The following MGA variants were observed in gnomAD, a reference collection of about 807,000 sequenced individuals.
MGA encodes MAX gene-associated protein.
A neutral mutation model predicts 261.1 loss-of-function variants in MGA; 40 were observed. That is an observed-to-expected ratio of 0.15 (90% CI 0.12 to 0.20). The LOEUF is 0.20. Ranked by LOEUF, MGA falls within the 10% of genes least tolerant of loss-of-function variation. The pLI is 1.00. For synonymous variants in MGA, 1,302 were observed against 1,290.6 expected (o/e 1.01, Z -0.19); for missense variants, 3,397 against 3,630.5 (o/e 0.94, Z 1.65).
chr15:41,735,899 G>A (rs2061752605), intron 12 of MGA, among the ~76,000 whole-genome samples: 1 of 152,176 alleles, frequency 6.6e-6, no homozygotes, highest in African/African-American at 2.4e-5. Context: ...GTCATGGTTT[G>A]TTTGCAAGCT....
chr15:41,698,786 T>G, intron 3 of MGA, 77 bp from the exon 4 acceptor site: 1 of 1,168,754 alleles, frequency 8.6e-7, no homozygotes, highest in Non-Finnish European at 1.2e-6. Context: ...GGTCTTTAAG[T>G]TTTTTTTAAT....
In MGA at chr15:41,696,711, C is replaced by T. The variant is rs368891416; in HGVS notation, c.1701C>T (p.Asp567=). ...GCATTAGCACAGAAAGAATACTCGA[C>T]GATTCAAAGGATTCAGTTGGAGACT... Residue 567 remains aspartate, a synonymous_variant, in exon 3 of 24, where the codon GAC becomes GAT. Transcript: ENST00000219905. 2.9e-4 allele frequency: 466 copies of T among 1,612,564 alleles called. 5 individuals carry two copies. In the South Asian group the frequency reaches 4.5e-3, roughly 16 times the overall value.
intron 5 of MGA, among the ~76,000 whole-genome samples, chr15:41,702,464 C>T (rs1335379310): frequency 6.6e-6 from 1 of 152,102 alleles, no homozygotes; most frequent in Non-Finnish European, 1.5e-5. Flanking sequence ...AAATTTGATT[C>T]TTGAAATAAT....
rs1555436406 is a variant in MGA, at chr15:41,752,574, T to TA, written c.7009-1861dup. On this transcript the variant is annotated intron_variant, in intron 17 of 23. Transcript: ENST00000219905. ...GTTTTTTTTTTTTTTTTTTTTTTTT[T>TA]AACAGAGTCTCGCTTTGTCGCCCAG... Among the ~76,000 whole-genome samples the TA allele has an allele frequency of 3.3e-3, 445 of 133,648 alleles. 1 individual carries two copies. Among genetic ancestry groups the TA allele is most frequent in the African/African-American group, 0.011 (419 of 36,460 alleles). The allele number at this position is 133,648 out of a possible 152,430, so 87.7% of individuals were successfully genotyped here. A position where few individuals can be genotyped will look rare whatever the true frequency, so the allele number is the denominator to read the frequency against.
upstream of MGA, among the ~76,000 whole-genome samples, chr15:41,656,935 G>A (rs778818920): frequency 1.3e-5 from 2 of 151,882 alleles, no homozygotes; most frequent in African/African-American, 2.4e-5. Flanking sequence ...ACCACACTTG[G>A]CTAATTTTTT....
intron 1 of MGA, among the ~76,000 whole-genome samples, chr15:41,624,402 C>T (rs921503942): frequency 4.6e-5 from 7 of 151,596 alleles, no homozygotes; most frequent in East Asian, 3.9e-4. Context: ...CAGACTATGC[C>T]GCCGCCACCA....
rs2062659386 is a variant in MGA at position 41,748,777 on chromosome 15, C to T, written c.5353C>T (p.His1785Tyr). 3 of 1,613,784 alleles carry T rather than the reference C, an allele frequency of 1.9e-6. No homozygotes were observed. The Admixed American group carries it at 5.0e-5, about 27-fold the overall frequency. Residue 1785 changes from histidine to tyrosine, a missense_variant, in exon 16 of 24, where the codon CAT becomes TAT. Coordinates refer to ENST00000219905, the MANE Select transcript of MGA (RefSeq NM_001164273.2). The stretch of plus-strand genomic sequence containing the variant: ...TGTCTCAAACACACAACTTCAGGGA[C>T]ATCGGATGGTCTTGCAGCCTGTTAG...
Position 41,765,083 on chromosome 15 carries a change from T to C in MGA, c.7921+21T>C. 4 of 1,612,558 alleles carry C rather than the reference T, an allele frequency of 2.5e-6. No individual in the cohort carries two copies. In the East Asian group the frequency reaches 8.9e-5, roughly 36 times the overall value. On this transcript the variant is annotated intron_variant, in intron 23 of 23. Coordinates refer to ENST00000219905, the MANE Select transcript of MGA (RefSeq NM_001164273.2). The stretch of plus-strand genomic sequence containing the variant: ...ACCAGGTATGTTGTAAGTGTTGTCC[T>C]CTATGGGAAGTGATAAAGTTATCCC...
intron 9 of MGA, among the ~76,000 whole-genome samples, chr15:41,721,846 A>C (rs1032105097): frequency 6.6e-6 from 1 of 152,134 alleles, no homozygotes; most frequent in East Asian, 1.9e-4. Flanking sequence ...TAGCAGTTTG[A>C]CTCCAGAGTA....
intron 5 of MGA, among the ~76,000 whole-genome samples, chr15:41,700,238 G>A (rs2059771148): frequency 6.6e-6 from 1 of 151,208 alleles, no homozygotes; most frequent in Admixed American, 6.6e-5. Flanking sequence ...AGTAGAGACG[G>A]GGTTTCACTG....
chr15:41,682,174 C>T (rs2151106234), intron 2 of MGA, among the ~76,000 whole-genome samples: 1 of 152,268 alleles, frequency 6.6e-6, no homozygotes, highest in African/African-American at 2.4e-5. Flanking sequence ...GCCTCAGCCA[C>T]CCAAAGTGTT....
intron 10 of MGA, 136 bp from the exon 11 acceptor site, chr15:41,729,028 T>C (rs1273574877): frequency 1.2e-6 from 1 of 835,738 alleles, no homozygotes; most frequent in Non-Finnish European, 1.9e-6. Context: ...ACTGTACTTG[T>C]GCTGTTTGAT....
At chr15:41,693,587 G>GA (rs1181226935) in intron 2 of MGA, among the ~76,000 whole-genome samples, 1 of 151,952 alleles carries the variant, frequency 6.6e-6, no homozygotes, top group African/African-American at 2.4e-5. Context: ...AGCAAGTAGT[G>GA]AAAAAAATAG....
At chr15:41,724,695 A>C (rs2061134057) in intron 9 of MGA, among the ~76,000 whole-genome samples, 1 of 152,144 alleles carries the variant, frequency 6.6e-6, no homozygotes. Context: ...TCAAAATAAA[A>C]AACAACCAGA....
intron 15 of MGA, among the ~76,000 whole-genome samples, chr15:41,744,736 C>G (rs2062341590): frequency 6.6e-6 from 1 of 152,158 alleles, no homozygotes; most frequent in African/African-American, 2.4e-5. Context: ...GTAGTTTATT[C>G]TTCTGTAGTT....
At position 41,686,789 on chromosome 15, in the gene MGA, GA is replaced by G. The variant is rs1163256003; in HGVS notation, c.1065-9285del. On this transcript the variant is annotated intron_variant, in intron 2 of 23. Coordinates refer to ENST00000219905, the MANE Select transcript of MGA (RefSeq NM_001164273.2). ...AATATGGTGAATTAACATTGATTTA[GA>G]GGGGAGGGGTGATCTTACATTCTTG... Among the ~76,000 whole-genome samples, 12 of 152,242 alleles carry G rather than the reference GA, an allele frequency of 7.9e-5. No individual in the cohort carries two copies. In the East Asian group the frequency reaches 1.9e-3, roughly 24 times the overall value.
In MGA at chr15:41,668,252, G is replaced by T. The variant is rs186980513; in HGVS notation, c.-67-576G>T. ...AATTTATTTCAGTGTAAGGTCCATT[G>T]AGTTCCAGTGATTTGTCATGGCTTC... On this transcript the variant is annotated intron_variant, in intron 1 of 23. Transcript: ENST00000219905. Among the ~76,000 whole-genome samples the T allele has an allele frequency of 1.4e-4, 21 of 151,934 alleles. No individual in the cohort carries two copies. In the East Asian group the frequency reaches 3.9e-3, roughly 28 times the overall value.
chr15:41,628,467 G>A (rs1237341140), intron 1 of MGA, among the ~76,000 whole-genome samples: 1 of 151,884 alleles, frequency 6.6e-6, no homozygotes, highest in African/African-American at 2.4e-5. Flanking sequence ...TGCCAGGCAA[G>A]GCTTCTCTGA....
At chr15:41,722,924 A>T (rs1052020756) in intron 9 of MGA, among the ~76,000 whole-genome samples, 2 of 152,212 alleles carry the variant, frequency 1.3e-5, no homozygotes, top group African/African-American at 4.8e-5. Flanking sequence ...TATTTATTGT[A>T]ATTTTAAGTC....
Sources: gnomAD v4.1 joint callset for allele counts (sites outside exome capture counted in the v4.1 genomes callset) on GRCh38, gnomAD v4.1.1 for gene constraint, MANE v1.5 for transcripts, NCBI Gene and HGNC (gene_info 2026-07-23, HGNC 2026-07-21) for gene names.